RFTN1: variants seen among roughly 807,000 people sequenced by gnomAD.
RFTN1 encodes the protein raftlin, lipid raft linker 1, also known as raftlin.
A neutral mutation model predicts 46.5 loss-of-function variants in RFTN1; 26 were observed. That is an observed-to-expected ratio of 0.56 (90% CI 0.41 to 0.78). The LOEUF (loss-of-function observed/expected upper bound fraction) is 0.78, where lower values mean the gene tolerates loss of function less well. Ranked by LOEUF, RFTN1 falls within the 30% of genes least tolerant of loss-of-function variation. RFTN1 has a pLI of 0.00. For missense variants in RFTN1, 693 were observed against 718.7 expected (o/e 0.96, Z 0.41); for synonymous variants, 261 against 284.2 (o/e 0.92, Z 0.82).
chr3:16,389,081 A>G (rs2074283834), intron 4 of RFTN1, among the ~76,000 whole-genome samples: 2 of 152,256 alleles, frequency 1.3e-5, no homozygotes, highest in Admixed American at 1.3e-4. Context: ...TTTAACATCC[A>G]GTATTCGTGA....
In RFTN1 at chr3:16,358,004, A is replaced by C; in HGVS notation, c.1074T>G (p.Ala358=). 1 of 1,601,780 alleles carries C rather than the reference A, an allele frequency of 6.2e-7. No homozygotes were observed. The highest frequency in any genetic ancestry group is 8.5e-7 in the Non-Finnish European group (1 of 1,173,578). ...TGGTTTTGCTATCTTCTGTGGAAAC[A>C]GCTTCAAAGATGAATACTCCATCTG... ...GLTDGVFIFE[A]VSTEDSKTIQ... Residue 358 remains alanine (A), a synonymous_variant, in exon 7 of 10, where the codon GCT becomes GCG. Transcript: ENST00000334133.
rs2070877118 is a variant in RFTN1, at chr3:16,336,635, T to C, written c.1147-9759A>G. Among the ~76,000 whole-genome samples the C allele has an allele frequency of 6.6e-6, 1 of 152,178 alleles. No homozygotes were observed. On this transcript the variant is annotated intron_variant, in intron 7 of 9. Coordinates refer to ENST00000334133, the MANE Select transcript of RFTN1 (RefSeq NM_015150.2). This position sits in a 1 kb window ranked among gnomAD's most constrained non-coding sequence, Gnocchi z 6.0. ...AGCAGTCTTCTCATTTTAGACAACT[T>C]AGGCTTTCATAATGTTCAAAGAGAA...
chr3:16,482,685 C>T, intron 2 of RFTN1: 1 of 1,248,978 alleles, frequency 8.0e-7, no homozygotes, highest in Non-Finnish European at 1.1e-6. Context: ...ACACTGAGCA[C>T]CATGCATGCC....
chr3:16,379,549 G>A (rs1476668655), intron 4 of RFTN1, among the ~76,000 whole-genome samples: 1 of 152,236 alleles, frequency 6.6e-6, no homozygotes, highest in Non-Finnish European at 1.5e-5. Context: ...AGTAGCCAGA[G>A]TGCAAAACCA....
chr3:16,496,760 C>T (rs1008042331), intron 1 of RFTN1, among the ~76,000 whole-genome samples: 3 of 152,052 alleles, frequency 2.0e-5, no homozygotes, highest in Non-Finnish European at 4.4e-5. Flanking sequence ...ATATGGGCAT[C>T]GAAAGACACG....
At position 16,352,889 on chromosome 3, in the gene RFTN1, C is replaced by G. The variant is rs55970361; in HGVS notation, c.1146+5043G>C. Among the ~76,000 whole-genome samples the G allele has an allele frequency of 0.33, 50,802 of 152,096 alleles. 8,979 individuals are homozygous for G. Among genetic ancestry groups the G allele is most frequent in the African/African-American group, 0.44 (18,266 of 41,472 alleles). On this transcript the variant is annotated intron_variant, in intron 7 of 9. Transcript: ENST00000334133. The surrounding 1 kb of genome is among the most constrained non-coding windows in gnomAD (Gnocchi z 4.6). ...CAGAGAGGCAGGATGCACACTCAGG[C>G]CAGACTCTGGAATCTCCGCTGTCTT...
intron 2 of RFTN1, among the ~76,000 whole-genome samples, chr3:16,456,793 T>G (rs1222304214): frequency 1.3e-5 from 2 of 151,884 alleles, no homozygotes; most frequent in Non-Finnish European, 2.9e-5. Flanking sequence ...AGAATAAGAG[T>G]GGAAAAGGCG....
chr3:16,327,603 C>G lies in RFTN1; in HGVS notation c.1147-727G>C, dbSNP rs963166969. On this transcript the variant is annotated intron_variant, in intron 7 of 9. Coordinates refer to ENST00000334133, the MANE Select transcript of RFTN1 (RefSeq NM_015150.2). The surrounding 1 kb of genome is among the most constrained non-coding windows in gnomAD (Gnocchi z 4.2). ...TGAAACCCCGTCTCTACTAAAAATA[C>G]AAAAAAAATTAGCCAGGCCTGGTGG... Among the ~76,000 whole-genome samples, 1 of 151,474 alleles carries G rather than the reference C, an allele frequency of 6.6e-6. No homozygotes were observed. Among genetic ancestry groups the G allele is most frequent in the Non-Finnish European group, 1.5e-5 (1 of 67,830 alleles).
intron 5 of RFTN1, 111 bp downstream of exon 5, chr3:16,377,607 G>A (rs1461665580): frequency 6.8e-7 from 1 of 1,480,924 alleles, no homozygotes; most frequent in African/African-American, 1.4e-5. Flanking sequence ...ATGGACTGCT[G>A]TCTCTACACT....
chr3:16,347,283 A>G (rs1370269030), intron 7 of RFTN1, among the ~76,000 whole-genome samples: 2 of 152,250 alleles, frequency 1.3e-5, no homozygotes, highest in East Asian at 1.9e-4. Context: ...ACGTCCATGC[A>G]TGTTATATCC....
At chr3:16,434,395 A>AAAAAAAAAC in intron 2 of RFTN1, among the ~76,000 whole-genome samples, 1 of 135,098 alleles carries the variant, frequency 7.4e-6, no homozygotes, top group African/African-American at 2.8e-5. Context: ...CAAACAAACA[A>AAAAAAAAAC]AAACAAAAAA....
At chr3:16,488,539 C>G (rs376998541) in intron 2 of RFTN1, among the ~76,000 whole-genome samples, 7 of 152,182 alleles carry the variant, frequency 4.6e-5, no homozygotes, top group East Asian at 1.9e-4. Context: ...TATAGAGTGT[C>G]ATTTAAAAAT....
Position 16,317,702 on chromosome 3 carries a change from A to G in RFTN1, c.1333-470T>C, listed in dbSNP as rs1234500687. On this transcript the variant is annotated intron_variant, in intron 9 of 9. Transcript: ENST00000334133. The surrounding 1 kb of genome is among the most constrained non-coding windows in gnomAD (Gnocchi z 4.3). ...ACCTGAGTAAGGCAGGGCCCAGAAC[A>G]TGGGGCAGACACTGTGCTGTACCGC... Among the ~76,000 whole-genome samples, 3 of 152,078 alleles carry G rather than the reference A, an allele frequency of 2.0e-5. No individual in the cohort carries two copies. The highest frequency in any genetic ancestry group is 2.9e-5 in the Non-Finnish European group (2 of 68,022).
chr3:16,405,985 A>G (rs550263948), intron 4 of RFTN1, among the ~76,000 whole-genome samples: 4 of 152,324 alleles, frequency 2.6e-5, no homozygotes, highest in Admixed American at 1.3e-4. Context: ...TGTCACCACT[A>G]CATATATATA....
intron 2 of RFTN1, among the ~76,000 whole-genome samples, chr3:16,478,812 C>T (rs1188903048): frequency 6.6e-6 from 1 of 152,250 alleles, no homozygotes; most frequent in Non-Finnish European, 1.5e-5. Context: ...AAGCCTCCCT[C>T]AGTTCCTTGC....
rs2071386727 is a variant in RFTN1, at chr3:16,342,553, A to T, written c.1146+15379T>A. Among the ~76,000 whole-genome samples, 1 of 152,200 alleles carries T rather than the reference A, an allele frequency of 6.6e-6. No individual in the cohort carries two copies. The highest frequency in any genetic ancestry group is 2.4e-5 in the African/African-American group (1 of 41,450). ...CATTTCTCTTAAATATAGGGGTGGA[A>T]TTGCTGGGTCATATGGTAACTATGT... is the stretch of plus-strand genomic sequence containing the variant. On this transcript the variant is annotated intron_variant, in intron 7 of 9. Transcript: ENST00000334133. This position sits in a 1 kb window ranked among gnomAD's most constrained non-coding sequence, Gnocchi z 4.0.
At chr3:16,464,007 G>A (rs570527168) in intron 2 of RFTN1, among the ~76,000 whole-genome samples, 2 of 152,142 alleles carry the variant, frequency 1.3e-5, no homozygotes, top group Admixed American at 6.5e-5. Flanking sequence ...CCAAAAGCAG[G>A]TACTGAACTG....
rs1398373316 is a variant in RFTN1 at position 16,380,752 on chromosome 3, G to A, written c.442-2650C>T. ...TGCAGCCTGATGTTTGAGAATCACT[G>A]CTCTAGAATACACATTTCATGAGGG... On this transcript the variant is annotated intron_variant, in intron 4 of 9. Transcript: ENST00000334133. This position sits in a 1 kb window ranked among gnomAD's most constrained non-coding sequence, Gnocchi z 4.8. 6.6e-6 allele frequency among the ~76,000 whole-genome samples: 1 copy of A among 152,192 alleles called. No individual in the cohort carries two copies. Among genetic ancestry groups the A allele is most frequent in the African/African-American group, 2.4e-5 (1 of 41,438 alleles).
At chr3:16,373,301 C>A (rs1240927397) in intron 5 of RFTN1, among the ~76,000 whole-genome samples, 3 of 152,230 alleles carry the variant, frequency 2.0e-5, no homozygotes, top group African/African-American at 7.2e-5. Flanking sequence ...CCCTTTCCCC[C>A]ACCTTGCCTC....
Sources: allele counts gnomAD v4.1 joint callset (sites outside exome capture counted in the v4.1 genomes callset), GRCh38; gene constraint gnomAD v4.1.1; non-coding constraint Gnocchi (gnomAD v3.1); transcripts MANE v1.5; gene names NCBI Gene and HGNC (gene_info 2026-07-23, HGNC 2026-07-21).